Variants in TRIO observed in about 807,000 individuals in gnomAD.
The protein encoded by TRIO is trio Rho guanine nucleotide exchange factor.
TRIO carries 58 observed loss-of-function variants against 351.9 expected under a neutral mutation model. The observed-to-expected ratio is 0.16, with a 90% confidence interval of 0.13 to 0.21. The LOEUF is 0.21. Ranked by LOEUF, TRIO falls within the 10% of genes least tolerant of loss-of-function variation. TRIO has a pLI of 1.00. For synonymous variants in TRIO, 1,758 were observed against 1,595.7 expected (o/e 1.10, Z -2.42); for missense variants, 3,201 against 4,027.8 (o/e 0.79, Z 5.56).
In TRIO at chr5:14,479,967, A is replaced by G; in HGVS notation, c.6292A>G (p.Ile2098Val). The G allele has an allele frequency of 6.2e-7, 1 of 1,614,206 alleles. No homozygotes were observed. Among genetic ancestry groups the G allele is most frequent in the South Asian group, 1.1e-5 (1 of 91,080 alleles). ...GHRLQLTDLL[I>V]KPVQRIMKYQ... Reference sequence around the variant, plus strand: ...CAGGTTACAGCTCACAGATCTGTTGATCAAACCAGTGCAGAGAATCATGAA... The same window carrying G: ...CAGGTTACAGCTCACAGATCTGTTGGTCAAACCAGTGCAGAGAATCATGAA... The change falls in exon 43 of 57, where the codon ATC becomes GTC. Residue 2098 changes from isoleucine (I) to valine (V), a missense_variant. Around this residue, in one of 19 missense-constraint regions of TRIO, gnomAD observed 307 missense variants for 396.5 expected, o/e 0.77. Transcript: ENST00000344204.
intron 9 of TRIO, among the ~76,000 whole-genome samples, chr5:14,320,541 A>C (rs1739789627): frequency 6.6e-6 from 1 of 152,078 alleles, no homozygotes; most frequent in South Asian, 2.1e-4. Context: ...ACCCCCTTGC[A>C]AGTGTCTCTT....
rs1737439096 is a variant in TRIO at position 14,297,194 on chromosome 5, T to A, written c.1299T>A (p.Phe433Leu). The A allele has an allele frequency of 6.2e-7, 1 of 1,614,096 alleles. No homozygotes were observed. Among genetic ancestry groups the A allele is most frequent in the African/African-American group, 1.3e-5 (1 of 74,940 alleles). ...AGCTGGAGCAGGAGTGGAAGGCGTT[T>A]GCGGCAGCCCTGGATGAGCGGAGCA... ...ASQLEQEWKA[F>L]AAALDERSTL... The change falls in exon 7 of 57, where the codon TTT becomes TTA. Residue 433 changes from phenylalanine to leucine, a missense_variant. This residue lies in a region of TRIO where 349 missense variants were observed against 449.3 expected (regional missense o/e 0.78). Transcript: ENST00000344204.
intron 19 of TRIO, among the ~76,000 whole-genome samples, chr5:14,377,284 C>T (rs1437487629): frequency 2.7e-5 from 4 of 149,790 alleles, no homozygotes; most frequent in Non-Finnish European, 5.9e-5. Context: ...CTTGCCCTGT[C>T]GCCTAGGCTG....
At chr5:14,416,278 C>T (rs1339499930) in intron 33 of TRIO, among the ~76,000 whole-genome samples, 1 of 145,090 alleles carries the variant, frequency 6.9e-6, no homozygotes, top group East Asian at 1.9e-4. Flanking sequence ...TATCACAAGT[C>T]TTTTGTACAC....
At chr5:14,181,771 G>C (rs978885240) in intron 1 of TRIO, among the ~76,000 whole-genome samples, 3 of 152,206 alleles carry the variant, frequency 2.0e-5, no homozygotes, top group Non-Finnish European at 4.4e-5. Flanking sequence ...GTCTTGAATG[G>C]ATGGCAGGAG....
At chr5:14,362,110 A>G (rs1744201323) in intron 13 of TRIO, among the ~76,000 whole-genome samples, 4 of 152,168 alleles carry the variant, frequency 2.6e-5, no homozygotes, top group Admixed American at 2.6e-4. Flanking sequence ...GTGGAACTCC[A>G]TCTCTGAATG....
chr5:14,496,376 T>C (rs905814975), intron 49 of TRIO, among the ~76,000 whole-genome samples: 1 of 152,190 alleles, frequency 6.6e-6, no homozygotes, highest in Non-Finnish European at 1.5e-5. Context: ...ACCAGCAGGC[T>C]TCAGACCCCG....
Position 14,368,265 on chromosome 5 carries a change from G to T in TRIO, c.2875-443G>T, listed in dbSNP as rs566516323. The stretch of plus-strand genomic sequence containing the variant: ...CAATAGTTCTTGAAAACTTTTCACT[G>T]GAGTCCAGAGTTTAAGTTGCAAGTG... On this transcript the variant is annotated intron_variant, in intron 16 of 56. Coordinates refer to ENST00000344204, the MANE Select transcript of TRIO (RefSeq NM_007118.4). 1.6e-4 allele frequency among the ~76,000 whole-genome samples: 24 copies of T among 152,284 alleles called. 1 individual carries two copies. The South Asian group carries it at 4.4e-3, about 28-fold the overall frequency.
intron 1 of TRIO, among the ~76,000 whole-genome samples, chr5:14,162,392 A>G (rs769285337): frequency 2.6e-5 from 4 of 152,234 alleles, no homozygotes; most frequent in Non-Finnish European, 4.4e-5. Flanking sequence ...TTGTAATTTA[A>G]CACTCTTCTA....
At chr5:14,403,636 G>A (rs1341841618) in intron 31 of TRIO, among the ~76,000 whole-genome samples, 1 of 137,240 alleles carries the variant, frequency 7.3e-6, no homozygotes, top group Admixed American at 7.1e-5. Context: ...TTGTGGTGGT[G>A]AGGGTGCAGG....
At chr5:14,390,776 A>T (rs1265357515) in intron 26 of TRIO, 125 bp from the exon 27 acceptor site, 2 of 741,662 alleles carry the variant, frequency 2.7e-6, no homozygotes, top group Non-Finnish European at 4.2e-6. Flanking sequence ...TTTCTTTTTA[A>T]AATAGAGTCT....
chr5:14,460,719 A>G (rs144399153), intron 34 of TRIO, among the ~76,000 whole-genome samples: 208 of 152,316 alleles, frequency 1.4e-3, no homozygotes, highest in African/African-American at 4.7e-3. Context: ...TATGTGATGA[A>G]TGACATCTTA....
At chr5:14,461,893 C>T (rs990634717) in intron 35 of TRIO, among the ~76,000 whole-genome samples, 2 of 152,210 alleles carry the variant, frequency 1.3e-5, no homozygotes, top group Non-Finnish European at 2.9e-5. Context: ...ATTCCCATGT[C>T]ACCAAAGGTA....
chr5:14,368,850 G>A lies in TRIO; in HGVS notation c.3017G>A (p.Arg1006His), dbSNP rs1744829616. The A allele has an allele frequency of 4.3e-6, 7 of 1,613,978 alleles. No homozygotes were observed. The highest frequency in any genetic ancestry group is 1.7e-5 in the Admixed American group (1 of 59,998). The change falls in exon 17 of 57, where the codon CGC becomes CAC. Residue 1006 changes from arginine (R) to histidine (H), a missense_variant. Arg to His is a conservative substitution (Grantham distance 29, BLOSUM62 0). Transcript: ENST00000344204. ...CAGCTCATGCTCAAGATGGAAGATC[G>A]CCTCAAGCTCGTCAACGCCTCTGTC... ...WQQLMLKMED[R>H]LKLVNASVAF...
At chr5:14,496,639 A>G (rs926988254) in intron 49 of TRIO, among the ~76,000 whole-genome samples, 2 of 152,146 alleles carry the variant, frequency 1.3e-5, no homozygotes, top group African/African-American at 4.8e-5. Context: ...GTTACACATA[A>G]AATCAGTTAT....
At chr5:14,351,760 G>C (rs1743146683) in intron 11 of TRIO, among the ~76,000 whole-genome samples, 1 of 152,196 alleles carries the variant, frequency 6.6e-6, no homozygotes, top group Non-Finnish European at 1.5e-5. Context: ...CCCACCTCCA[G>C]ACGGACACCG....
intron 8 of TRIO, among the ~76,000 whole-genome samples, chr5:14,309,353 C>G (rs953497263): frequency 6.6e-6 from 1 of 152,156 alleles, no homozygotes; most frequent in Admixed American, 6.5e-5. Flanking sequence ...TCTCCACCTC[C>G]AACTCCTACC....
At chr5:14,492,997 C>T (rs946412071) in intron 49 of TRIO, among the ~76,000 whole-genome samples, 183 bp downstream of exon 49, 2 of 152,174 alleles carry the variant, frequency 1.3e-5, no homozygotes, top group Non-Finnish European at 1.5e-5. Flanking sequence ...CACTCAGACT[C>T]ACAGGGTCTT....
chr5:14,255,943 G>T (rs747928600), intron 1 of TRIO, among the ~76,000 whole-genome samples: 5 of 152,146 alleles, frequency 3.3e-5, no homozygotes, highest in Non-Finnish European at 5.9e-5. Flanking sequence ...GCAATATATT[G>T]TATACTAATA....
Sources: allele counts gnomAD v4.1 joint callset (sites outside exome capture counted in the v4.1 genomes callset), GRCh38; gene constraint gnomAD v4.1.1; regional missense constraint gnomAD v4.1.1; transcripts MANE v1.5; gene names NCBI Gene and HGNC (gene_info 2026-07-23, HGNC 2026-07-21).